SLIT2: variants seen among roughly 807,000 people sequenced by gnomAD.
SLIT2 encodes slit homolog 2 protein.
A neutral mutation model predicts 185.7 loss-of-function variants in SLIT2; 41 were observed. The observed-to-expected ratio is 0.22, with a 90% CI of 0.17 to 0.29. SLIT2 has a LOEUF of 0.29. SLIT2 is among the 10% of genes least tolerant of loss of function. The pLI, the probability that SLIT2 is intolerant of heterozygous loss-of-function variation, is 1.00. For missense variants in SLIT2, 1,571 were observed against 1,909.0 expected, an observed-to-expected ratio of 0.82 and a Z score of 3.30; for synonymous variants, 693 against 680.2, an observed-to-expected ratio of 1.02 and a Z score of -0.29.
At chr4:20,495,218 AT>A (rs1396814746) in intron 9 of SLIT2, among the ~76,000 whole-genome samples, 2 of 152,202 alleles carry the variant, frequency 1.3e-5, no homozygotes, top group Non-Finnish European at 2.9e-5. Context: ...CTGAGAAAGG[AT>A]TTTTTGAAAA....
intron 4 of SLIT2, among the ~76,000 whole-genome samples, chr4:20,360,012 A>G (rs1337652019): frequency 6.6e-6 from 1 of 152,112 alleles, no homozygotes; most frequent in African/African-American, 2.4e-5. Context: ...GAGAAATGGT[A>G]TGGTACCTAG....
intron 4 of SLIT2, among the ~76,000 whole-genome samples, chr4:20,300,490 T>C (rs1013492211): frequency 1.3e-5 from 2 of 152,162 alleles, no homozygotes; most frequent in African/African-American, 4.8e-5. Context: ...TTTCTGTGCA[T>C]TTATCACTTT....
chr4:20,499,444 T>C (rs1455116805), intron 9 of SLIT2, among the ~76,000 whole-genome samples: 2 of 152,196 alleles, frequency 1.3e-5, no homozygotes, highest in Admixed American at 6.5e-5. Flanking sequence ...TAAATAATAC[T>C]CAATTTTGAA....
At chr4:20,339,470 C>T (rs916430338) in intron 4 of SLIT2, among the ~76,000 whole-genome samples, 4 of 152,112 alleles carry the variant, frequency 2.6e-5, no homozygotes, top group Admixed American at 1.3e-4. Context: ...GTACTAATAA[C>T]GCTTGGGCTG....
At chr4:20,485,170 G>A (rs920899326) in intron 6 of SLIT2, among the ~76,000 whole-genome samples, 19 of 152,106 alleles carry the variant, frequency 1.2e-4, no homozygotes, top group South Asian at 8.3e-4. Context: ...TATACCCCCC[G>A]GGATAACTTC....
At chr4:20,265,822 G>A (rs1712979741) in intron 3 of SLIT2, among the ~76,000 whole-genome samples, 1 of 151,766 alleles carries the variant, frequency 6.6e-6, no homozygotes, top group Non-Finnish European at 1.5e-5. Context: ...TTTGCCTCAG[G>A]GAATACAGGT....
chr4:20,612,245 G>GAAA (rs139866324), intron 34 of SLIT2, among the ~76,000 whole-genome samples: 1 of 56,218 alleles, frequency 1.8e-5, no homozygotes, highest in African/African-American at 7.8e-5. Flanking sequence ...ACTATCTCAA[G>GAAA]AAAAAAAAAA....
At chr4:20,370,874 G>A (rs539786505) in intron 4 of SLIT2, among the ~76,000 whole-genome samples, 3 of 152,010 alleles carry the variant, frequency 2.0e-5, no homozygotes, top group Non-Finnish European at 2.9e-5. Flanking sequence ...AATGTATGCC[G>A]GATATATGAT....
At chr4:20,335,872 G>A (rs760482156) in intron 4 of SLIT2, among the ~76,000 whole-genome samples, 8 of 151,680 alleles carry the variant, frequency 5.3e-5, no homozygotes, top group Non-Finnish European at 1.2e-4. Context: ...TACCATTTAT[G>A]GGGGACTACA....
At chr4:20,426,786 A>G (rs1360930059) in intron 4 of SLIT2, among the ~76,000 whole-genome samples, 1 of 152,200 alleles carries the variant, frequency 6.6e-6, no homozygotes, top group Admixed American at 6.5e-5. Context: ...AAATACAATG[A>G]TAAGTAGTGC....
At chr4:20,263,244 G>A (rs1712680495) in intron 3 of SLIT2, among the ~76,000 whole-genome samples, 2 of 151,700 alleles carry the variant, frequency 1.3e-5, no homozygotes, top group South Asian at 4.1e-4. Flanking sequence ...CAAACCAAGT[G>A]TTATCTGCTG....
intron 4 of SLIT2, among the ~76,000 whole-genome samples, chr4:20,335,695 G>A (rs545795885): frequency 1.3e-5 from 2 of 152,174 alleles, no homozygotes; most frequent in East Asian, 1.9e-4. Context: ...GGAGAGGGGT[G>A]ATAAAACTGC....
rs749637116 is a variant in SLIT2, at chr4:20,491,867, C to A, written c.882C>A (p.Ile294=). The A allele has an allele frequency of 3.7e-6, 6 of 1,613,790 alleles. No homozygotes were observed. The highest frequency in any genetic ancestry group is 3.3e-5 in the South Asian group (3 of 91,032). ...GTCGTGGGAAAGGTCTCACTGAGAT[C>A]CCCACAAATCTTCCAGAGACCATCA... ...VDCRGKGLTE[I]PTNLPETITE... The change falls in exon 9 of 37, where the codon ATC becomes ATA. Residue 294 remains isoleucine (I), a synonymous_variant. Coordinates refer to ENST00000504154, the MANE Select transcript of SLIT2 (RefSeq NM_004787.4).
intron 4 of SLIT2, among the ~76,000 whole-genome samples, chr4:20,447,277 G>T (rs1158234609): frequency 6.6e-6 from 1 of 152,178 alleles, no homozygotes; most frequent in African/African-American, 2.4e-5. Context: ...AGCAGGATCT[G>T]CGAGGACCAG....
At chr4:20,537,234 C>A (rs1464194986) in intron 18 of SLIT2, among the ~76,000 whole-genome samples, 2 of 152,138 alleles carry the variant, frequency 1.3e-5, no homozygotes, top group Non-Finnish European at 2.9e-5. Context: ...CAACTGGCAG[C>A]ACGGTAGGTT....
intron 4 of SLIT2, among the ~76,000 whole-genome samples, chr4:20,370,676 C>T (rs937021149): frequency 6.6e-6 from 1 of 152,126 alleles, no homozygotes. Context: ...AAATTCTTGA[C>T]CTTGGTAAAT....
intron 3 of SLIT2, among the ~76,000 whole-genome samples, chr4:20,262,824 T>C (rs1712626494): frequency 6.6e-6 from 1 of 151,946 alleles, no homozygotes; most frequent in South Asian, 2.1e-4. Context: ...CTGTTACAAG[T>C]TTAGCAGAAC....
At chr4:20,610,272 C>T in intron 34 of SLIT2, 105 bp downstream of exon 34, 3 of 908,890 alleles carry the variant, frequency 3.3e-6, no homozygotes, top group Non-Finnish European at 4.8e-6. Context: ...TGTCATTGAC[C>T]AATAGTGATC....
intron 5 of SLIT2, among the ~76,000 whole-genome samples, chr4:20,473,147 A>G (rs1233709916): frequency 7.1e-6 from 1 of 141,330 alleles, no homozygotes; most frequent in African/African-American, 2.7e-5. Context: ...ATACATCCAC[A>G]AAGTGCATCC....
Sources: allele counts gnomAD v4.1 joint callset (sites outside exome capture counted in the v4.1 genomes callset), GRCh38; gene constraint gnomAD v4.1.1; transcripts MANE v1.5; gene names NCBI Gene and HGNC (gene_info 2026-07-23, HGNC 2026-07-21).